Variants in ADARB2 observed in about 807,000 individuals in gnomAD.
ADARB2 encodes inactive double-stranded RNA-specific editase B2.
ADARB2 carries 25 observed loss-of-function variants against 62.2 expected under a neutral mutation model. That is an observed-to-expected ratio of 0.40 (90% CI 0.29 to 0.56). ADARB2 has a LOEUF of 0.56. Ranked by LOEUF, ADARB2 falls within the 20% of genes least tolerant of loss-of-function variation. The pLI, the probability that ADARB2 is intolerant of heterozygous loss-of-function variation, is 0.43. For missense variants in ADARB2, 1,071 were observed against 1,077.4 expected, an observed-to-expected ratio of 0.99 and a Z score of 0.08; for synonymous variants, 572 against 500.8, an observed-to-expected ratio of 1.14 and a Z score of -1.90.
intron 6 of ADARB2, among the ~76,000 whole-genome samples, chr10:1,232,372 GGTGT>G (rs201892281): frequency 2.6e-3 from 396 of 151,938 alleles, no homozygotes; most frequent in African/African-American, 9.2e-3. Flanking sequence ...GTCTGTGTGT[GGTGT>G]GTGTGGTATG....
chr10:1,310,055 C>A (rs780224846), intron 3 of ADARB2, among the ~76,000 whole-genome samples: 3 of 152,204 alleles, frequency 2.0e-5, no homozygotes, highest in Non-Finnish European at 4.4e-5. Flanking sequence ...CTTCATTCTC[C>A]AATTTCATCT....
At chr10:1,330,813 A>G (rs145201545) in intron 3 of ADARB2, among the ~76,000 whole-genome samples, 176 of 152,354 alleles carry the variant, frequency 1.2e-3, no homozygotes, top group Non-Finnish European at 1.6e-3. Flanking sequence ...TGAAAAGACA[A>G]CCCACAGAAT....
intron 3 of ADARB2, among the ~76,000 whole-genome samples, chr10:1,275,694 C>A (rs898204458): frequency 8.2e-6 from 1 of 122,036 alleles, no homozygotes; most frequent in African/African-American, 3.2e-5. Context: ...TTGTGATGTT[C>A]CCCTTCCTGT....
intron 1 of ADARB2, among the ~76,000 whole-genome samples, chr10:1,636,282 T>A (rs1170124370): frequency 6.6e-6 from 1 of 152,192 alleles, no homozygotes; most frequent in Non-Finnish European, 1.5e-5. Flanking sequence ...TTTGGGAGGC[T>A]GAAGCAGGCG....
chr10:1,308,889 G>A (rs1179299438), intron 3 of ADARB2, among the ~76,000 whole-genome samples: 1 of 152,202 alleles, frequency 6.6e-6, no homozygotes, highest in African/African-American at 2.4e-5. Flanking sequence ...AGCTGGAAAA[G>A]TGTTGGAGAA....
chr10:1,651,250 A>C (rs7917987), intron 1 of ADARB2, among the ~76,000 whole-genome samples: 148,264 of 152,344 alleles, frequency 0.97, 72,265 homozygotes, highest in East Asian at 1. Flanking sequence ...ATTAGGAACC[A>C]CCCTGTGCTT....
intron 1 of ADARB2, among the ~76,000 whole-genome samples, chr10:1,536,105 C>G (rs1012188532): frequency 1.3e-5 from 2 of 152,124 alleles, no homozygotes; most frequent in Non-Finnish European, 2.9e-5. Context: ...CAGGGTGGGT[C>G]CAACCCTGTG....
At position 1,199,948 on chromosome 10, in the gene ADARB2, C is replaced by T. The variant is rs755370007; in HGVS notation, c.1864+18G>A. 67 of 1,500,668 alleles carry T rather than the reference C, an allele frequency of 4.5e-5. No individual in the cohort carries two copies. Among genetic ancestry groups the T allele is most frequent in the Non-Finnish European group, 5.7e-5 (64 of 1,126,540 alleles). 93.0% of individuals were successfully genotyped at this position (1,500,668 alleles called of 1,614,324 possible). A position where few individuals can be genotyped will look rare whatever the true frequency, so the allele number is the denominator to read the frequency against. On this transcript the variant is annotated intron_variant, in intron 8 of 9. Transcript: ENST00000381312. ...TGGTGGGAAGGAGGTGGAGGGCCCCCGGGAAGGGGGTTCTTACCGCTGAGG... is the reference window on the plus strand; with the variant it reads ...TGGTGGGAAGGAGGTGGAGGGCCCCTGGGAAGGGGGTTCTTACCGCTGAGG...
At chr10:1,235,258 G>A (rs1205216145) in intron 5 of ADARB2, among the ~76,000 whole-genome samples, 1 of 138,976 alleles carries the variant, frequency 7.2e-6, no homozygotes, top group African/African-American at 2.7e-5. Context: ...CACCAGCACA[G>A]GTGGGAGTGG....
chr10:1,385,764 A>G (rs1403827769), intron 1 of ADARB2, among the ~76,000 whole-genome samples: 1 of 152,214 alleles, frequency 6.6e-6, no homozygotes, highest in Non-Finnish European at 1.5e-5. Context: ...TTTTAGACAC[A>G]TCAAATCACA....
At chr10:1,650,061 A>T (rs1834091014) in intron 1 of ADARB2, among the ~76,000 whole-genome samples, 1 of 152,188 alleles carries the variant, frequency 6.6e-6, no homozygotes. Context: ...ATCCAAGAAC[A>T]AGTAGACTGT....
chr10:1,327,125 T>G (rs1376814411), intron 3 of ADARB2, among the ~76,000 whole-genome samples: 4 of 61,884 alleles, frequency 6.5e-5, no homozygotes, highest in East Asian at 5.6e-4. Flanking sequence ...AGCGCCTCAC[T>G]GCACAGCGCC....
chr10:1,226,868 A>G (rs1474535499), intron 6 of ADARB2, among the ~76,000 whole-genome samples: 1 of 86,734 alleles, frequency 1.2e-5, no homozygotes, highest in African/African-American at 4.9e-5. Flanking sequence ...AGGTGGAGGC[A>G]GTCCACCCGA....
chr10:1,393,169 T>G (rs1244207405), intron 1 of ADARB2, among the ~76,000 whole-genome samples: 1 of 152,228 alleles, frequency 6.6e-6, no homozygotes, highest in South Asian at 2.1e-4. Flanking sequence ...CCATTTTTCA[T>G]GGTTTAATTT....
chr10:1,457,980 C>T (rs1350969756), intron 1 of ADARB2, among the ~76,000 whole-genome samples: 1 of 144,618 alleles, frequency 6.9e-6, no homozygotes, highest in Non-Finnish European at 1.5e-5. Context: ...TAACCATTTG[C>T]CTCATTGCTT....
At chr10:1,498,981 C>T (rs888135448) in intron 1 of ADARB2, among the ~76,000 whole-genome samples, 131 of 144,174 alleles carry the variant, frequency 9.1e-4, no homozygotes, top group African/African-American at 3.2e-3. Flanking sequence ...GTTCATTCAT[C>T]GCTCACTAAT....
At chr10:1,721,050 T>C (rs1835086211) in intron 1 of ADARB2, among the ~76,000 whole-genome samples, 1 of 152,162 alleles carries the variant, frequency 6.6e-6, no homozygotes, top group Non-Finnish European at 1.5e-5. Context: ...ACAGTTAACA[T>C]AACTGAAAAC....
chr10:1,467,044 ATCTC>A (rs35329131), intron 1 of ADARB2, among the ~76,000 whole-genome samples: 1 of 149,220 alleles, frequency 6.7e-6, no homozygotes, highest in African/African-American at 2.5e-5. Context: ...TATTTACAGC[ATCTC>A]TCTCTCTCTC....
chr10:1,359,815 G>A (rs1588231398), intron 3 of ADARB2, among the ~76,000 whole-genome samples: 1 of 152,198 alleles, frequency 6.6e-6, no homozygotes, highest in African/African-American at 2.4e-5. Flanking sequence ...ACCACCCGAC[G>A]AGCTGGAAGT....
Sources: allele counts gnomAD v4.1 joint callset (sites outside exome capture counted in the v4.1 genomes callset), GRCh38; gene constraint gnomAD v4.1.1; transcripts MANE v1.5; gene names NCBI Gene and HGNC (gene_info 2026-07-23, HGNC 2026-07-21).